Variants in NRXN3 observed in about 807,000 individuals in gnomAD.
NRXN3 encodes neurexin III.
In NRXN3, 32 loss-of-function variants were observed where a neutral mutation model predicts 137.6. The observed-to-expected ratio is 0.23, with a 90% CI of 0.18 to 0.31. NRXN3 has a LOEUF of 0.31. Ranked by LOEUF, NRXN3 falls within the 10% of genes least tolerant of loss-of-function variation. NRXN3 has a pLI of 1.00. For missense variants in NRXN3, 1,574 were observed against 2,062.5 expected, an observed-to-expected ratio of 0.76 and a Z score of 4.59; for synonymous variants, 798 against 784.5, an observed-to-expected ratio of 1.02 and a Z score of -0.29.
At chr14:78,191,239 A>G (rs550328665) in intron 1 of NRXN3, among the ~76,000 whole-genome samples, 20 of 152,282 alleles carry the variant, frequency 1.3e-4, no homozygotes, top group African/African-American at 4.6e-4. Context: ...CAGAAGCTTT[A>G]CACATGGTAG....
At chr14:78,376,996 A>C (rs559259200) in intron 4 of NRXN3, among the ~76,000 whole-genome samples, 1 of 152,222 alleles carries the variant, frequency 6.6e-6, no homozygotes, top group African/African-American at 2.4e-5. Context: ...CAAGTAATCA[A>C]TAGGACAGCA....
intron 15 of NRXN3, among the ~76,000 whole-genome samples, chr14:79,158,716 C>T (rs980753798): frequency 6.6e-6 from 1 of 151,706 alleles, no homozygotes; most frequent in Non-Finnish European, 1.5e-5. Context: ...AACATAAGCT[C>T]CATCGGGTTC....
At chr14:79,560,503 G>GTTTTTT (rs1567504638) in intron 16 of NRXN3, among the ~76,000 whole-genome samples, 2 of 39,566 alleles carry the variant, frequency 5.1e-5, no homozygotes, top group African/African-American at 1.5e-4. Flanking sequence ...AAGATTGTAA[G>GTTTTTT]CTTTTTTTTT....
At chr14:78,533,099 CTTT>C (rs71452898) in intron 4 of NRXN3, among the ~76,000 whole-genome samples, 3 of 120,058 alleles carry the variant, frequency 2.5e-5, no homozygotes, top group Non-Finnish European at 5.1e-5. Flanking sequence ...TCCCTCCAGC[CTTT>C]TTTTTTTTTT....
At chr14:79,254,447 G>T (rs2076320128) in intron 15 of NRXN3, among the ~76,000 whole-genome samples, 1 of 152,056 alleles carries the variant, frequency 6.6e-6, no homozygotes, top group Non-Finnish European at 1.5e-5. Context: ...GATGAATTTA[G>T]ACATTGAAAA....
At chr14:78,215,718 G>C (rs1383743401) in intron 1 of NRXN3, among the ~76,000 whole-genome samples, 1 of 140,600 alleles carries the variant, frequency 7.1e-6, no homozygotes, top group African/African-American at 2.6e-5. Context: ...TGCTTTGTTG[G>C]TGCTGGGAAG....
At chr14:78,313,416 T>A (rs1387746766) in intron 4 of NRXN3, among the ~76,000 whole-genome samples, 6 of 152,222 alleles carry the variant, frequency 3.9e-5, no homozygotes, top group Non-Finnish European at 5.9e-5. Flanking sequence ...TTCTTAGAAA[T>A]GGTTTATCTT....
At chr14:78,826,751 T>G (rs1020208557) in intron 10 of NRXN3, among the ~76,000 whole-genome samples, 3 of 152,222 alleles carry the variant, frequency 2.0e-5, no homozygotes, top group Non-Finnish European at 2.9e-5. Context: ...GTTCTATATT[T>G]TGGTATACTT....
At chr14:78,209,591 A>G (rs942310164) in intron 1 of NRXN3, among the ~76,000 whole-genome samples, 1 of 152,200 alleles carries the variant, frequency 6.6e-6, no homozygotes, top group Non-Finnish European at 1.5e-5. Flanking sequence ...AGAGCTAGCA[A>G]GAGCAGGGAA....
At chr14:78,903,469 G>A (rs980740842) in intron 10 of NRXN3, among the ~76,000 whole-genome samples, 2 of 151,938 alleles carry the variant, frequency 1.3e-5, no homozygotes, top group Non-Finnish European at 2.9e-5. Flanking sequence ...GTCCAGCTTA[G>A]CACAATACTT....
chr14:78,946,111 G>A (rs1286546918), intron 10 of NRXN3, among the ~76,000 whole-genome samples: 1 of 152,210 alleles, frequency 6.6e-6, no homozygotes, highest in Non-Finnish European at 1.5e-5. Context: ...GGATTGACGT[G>A]AGTATTAAGT....
intron 15 of NRXN3, among the ~76,000 whole-genome samples, chr14:79,287,966 AGAT>A: frequency 6.6e-6 from 1 of 152,160 alleles, no homozygotes; most frequent in Admixed American, 6.5e-5. Flanking sequence ...GATTTGAGTG[AGAT>A]GATCTCTCCA....
intron 15 of NRXN3, among the ~76,000 whole-genome samples, chr14:79,419,869 A>T (rs1315848509): frequency 6.6e-6 from 1 of 152,156 alleles, no homozygotes; most frequent in Non-Finnish European, 1.5e-5. Context: ...CACAGGAAAG[A>T]GTGGTGAGAG....
intron 1 of NRXN3, among the ~76,000 whole-genome samples, chr14:78,173,003 A>G (rs2058880751): frequency 6.6e-6 from 1 of 152,064 alleles, no homozygotes; most frequent in Non-Finnish European, 1.5e-5. Context: ...GAAAGGATGT[A>G]TTGAGGTGGA....
intron 15 of NRXN3, among the ~76,000 whole-genome samples, chr14:79,192,676 C>T (rs1264438009): frequency 1.3e-5 from 2 of 152,038 alleles, no homozygotes; most frequent in East Asian, 3.8e-4. Context: ...TTTGTTAAAC[C>T]CCTACTGTGT....
chr14:79,829,853 G>T (rs2141223980), intron 20 of NRXN3, among the ~76,000 whole-genome samples: 1 of 152,196 alleles, frequency 6.6e-6, no homozygotes, highest in African/African-American at 2.4e-5. Context: ...CCTATCCAAA[G>T]CACTGCTTAC....
At chr14:79,552,706 C>T (rs1427029892) in intron 16 of NRXN3, among the ~76,000 whole-genome samples, 1 of 151,954 alleles carries the variant, frequency 6.6e-6, no homozygotes, top group African/African-American at 2.4e-5. Flanking sequence ...CAGATGATAG[C>T]CTGGGACAAA....
chr14:78,624,716 G>T lies in NRXN3; in HGVS notation c.758-20404G>T, dbSNP rs2097438284. 2.0e-5 allele frequency among the ~76,000 whole-genome samples: 3 copies of T among 152,138 alleles called. No homozygotes were observed. The South Asian group carries it at 6.2e-4, about 32-fold the overall frequency. Reference sequence around the variant, plus strand: ...CAACCTGGGGAAGAGACCTCGCCTGGGTCTGAGGTGATGGGGTGGGAGCCC... The same window carrying T: ...CAACCTGGGGAAGAGACCTCGCCTGTGTCTGAGGTGATGGGGTGGGAGCCC... On this transcript the variant is annotated intron_variant, in intron 4 of 20. Transcript: ENST00000335750.
At chr14:79,426,157 C>T (rs1262569835) in intron 15 of NRXN3, among the ~76,000 whole-genome samples, 1 of 152,144 alleles carries the variant, frequency 6.6e-6, no homozygotes, top group African/African-American at 2.4e-5. Context: ...TTTGTCCTTG[C>T]TCCAAAATGA....
Sources: gnomAD v4.1 joint callset for allele counts (sites outside exome capture counted in the v4.1 genomes callset) on GRCh38, gnomAD v4.1.1 for gene constraint, MANE v1.5 for transcripts, NCBI Gene and HGNC (gene_info 2026-07-23, HGNC 2026-07-21) for gene names.